Variants in USP28 observed in about 807,000 individuals in gnomAD.
USP28 encodes ubiquitin carboxyl-terminal hydrolase 28.
In USP28, 113 loss-of-function variants were observed where a neutral mutation model predicts 145.0. The ratio of observed to expected loss-of-function variants is 0.78; its 90% confidence interval spans 0.67 to 0.91. The LOEUF is 0.91. Among genes scored for constraint, USP28 ranks in the 40% least tolerant of loss-of-function variants. USP28 has a pLI of 0.00. For missense variants in USP28, 1,201 were observed against 1,289.6 expected (o/e 0.93, Z 1.05); for synonymous variants, 447 against 450.9 (o/e 0.99, Z 0.11).
chr11:113,843,003 G>C (rs1485249177), intron 3 of USP28, among the ~76,000 whole-genome samples: 1 of 152,154 alleles, frequency 6.6e-6, no homozygotes, highest in Admixed American at 6.5e-5. Flanking sequence ...GGTCAAGATG[G>C]GAGGATCAGT....
At chr11:113,799,307 T>C (rs745633552) in exon 25 of USP28, 2 of 1,614,134 alleles carry the variant, frequency 1.2e-6, no homozygotes, top group Non-Finnish European at 1.7e-6. Context: ...GCTACATAGG[T>C]CATAGGGAGA....
At chr11:113,874,917 GTT>G in intron 1 of USP28, 1 of 754,494 alleles carries the variant, frequency 1.3e-6, no homozygotes. Context: ...AGGCTGCGCT[GTT>G]TTGTTTTTAA....
chr11:113,862,288 A>C (rs926894892), intron 1 of USP28, among the ~76,000 whole-genome samples: 1 of 152,220 alleles, frequency 6.6e-6, no homozygotes, highest in African/African-American at 2.4e-5. Flanking sequence ...CGGAGGTTGC[A>C]GTGAGCTGAG....
At chr11:113,822,444 A>G (rs1017472117) in intron 12 of USP28, 3 of 147,452 alleles carry the variant, frequency 2.0e-5, no homozygotes, top group African/African-American at 7.6e-5. Flanking sequence ...GCGACACTCC[A>G]TCTTCAAAAA....
intron 11 of USP28, 137 bp from the exon 12 acceptor site, chr11:113,823,837 T>TCAAGGTTAAA: frequency 1.7e-6 from 1 of 605,604 alleles, no homozygotes; most frequent in South Asian, 3.5e-5. Context: ...GACAGCATAC[T>TCAAGGTTAAA]CAAGGTTAAA....
intron 13 of USP28, among the ~76,000 whole-genome samples, chr11:113,817,377 C>T (rs1591214451): frequency 6.6e-6 from 1 of 152,196 alleles, no homozygotes; most frequent in Admixed American, 6.5e-5. Context: ...TGGCAGCTGG[C>T]TTGTAGTTCA....
intron 1 of USP28, among the ~76,000 whole-genome samples, chr11:113,854,548 C>T (rs1361871042): frequency 6.6e-6 from 1 of 152,172 alleles, no homozygotes; most frequent in Non-Finnish European, 1.5e-5. Context: ...ATTACAGGCA[C>T]AGGCCACCAC....
intron 21 of USP28, among the ~76,000 whole-genome samples, chr11:113,804,252 A>G (rs1031695792): frequency 1.3e-5 from 2 of 152,244 alleles, no homozygotes; most frequent in Non-Finnish European, 2.9e-5. Context: ...TTCTAGTCAT[A>G]CAGAGCAAGT....
chr11:113,846,154 G>C (rs1945825043), intron 3 of USP28, among the ~76,000 whole-genome samples: 1 of 152,170 alleles, frequency 6.6e-6, no homozygotes, highest in South Asian at 2.1e-4. Context: ...CAGAGATAAA[G>C]AGTAGAATGG....
exon 23 of USP28, chr11:113,803,238 T>C (rs1157367590): frequency 6.2e-7 from 1 of 1,614,074 alleles, no homozygotes; most frequent in Non-Finnish European, 8.5e-7. Flanking sequence ...AGGGCAGCAT[T>C]GCTCTGGTAG....
At chr11:113,798,027 T>C (rs1303671319) in exon 25 of USP28, 1 of 149,718 alleles carries the variant, frequency 6.7e-6, no homozygotes, top group Non-Finnish European at 1.5e-5. Flanking sequence ...TATTTTTCTC[T>C]ACATATACAT....
exon 5 of USP28, chr11:113,840,634 A>G: frequency 6.2e-7 from 1 of 1,614,102 alleles, no homozygotes; most frequent in South Asian, 1.1e-5. Flanking sequence ...TATTGCCAAC[A>G]TTTTTCAGCC....
In USP28 at chr11:113,863,215, TTG is replaced by T. The variant is rs1400587310; in HGVS notation, c.58-8882_58-8881del. ...TTCAAGGTAAACAGGCAAAATTCAG[TTG>T]TGTTTTTATAAAACAGCAATAAGAA... On this transcript the variant is annotated intron_variant, in intron 1 of 24. Coordinates refer to ENST00000003302, the Ensembl canonical transcript of USP28. Among the ~76,000 whole-genome samples the T allele has an allele frequency of 4.6e-5, 7 of 152,212 alleles. No homozygotes were observed. The South Asian group carries it at 1.2e-3, about 27-fold the overall frequency.
chr11:113,873,386 G>A (rs562326725), intron 1 of USP28, among the ~76,000 whole-genome samples: 2 of 152,276 alleles, frequency 1.3e-5, no homozygotes, highest in Admixed American at 1.3e-4. Context: ...GCCAGGAATC[G>A]GAGTACTCCA....
In USP28 at chr11:113,855,337, G is replaced by T. The variant is rs568062440; in HGVS notation, c.58-1002C>A. 2.0e-5 allele frequency among the ~76,000 whole-genome samples: 3 copies of T among 151,562 alleles called. No homozygotes were observed. The South Asian group carries it at 6.3e-4, about 32-fold the overall frequency. Reference sequence around the variant, plus strand: ...GACAATACAAAACACCGATTTGCAAGTACAGCTCAATCTAAACAACTGGCT... The same window carrying T: ...GACAATACAAAACACCGATTTGCAATTACAGCTCAATCTAAACAACTGGCT... On this transcript the variant is annotated intron_variant, in intron 1 of 24. Coordinates refer to ENST00000003302, the Ensembl canonical transcript of USP28.
exon 18 of USP28, chr11:113,808,355 A>T (rs201080403): frequency 3.7e-6 from 6 of 1,613,996 alleles, no homozygotes; most frequent in Non-Finnish European, 4.2e-6. Context: ...TGTTTGCAAT[A>T]GCCTGGGCAG....
chr11:113,840,806 T>C lies in USP28; in HGVS notation c.375-49A>G. 4 of 1,575,964 alleles carry C rather than the reference T, an allele frequency of 2.5e-6. 1 individual carries two copies. Among genetic ancestry groups the C allele is most frequent in the Non-Finnish European group, 3.4e-6 (4 of 1,161,588 alleles). On this transcript the variant is annotated intron_variant, in intron 4 of 24. Coordinates refer to ENST00000003302, the Ensembl canonical transcript of USP28. Reference sequence around the variant, plus strand: ...AGCAAAAAAGAAAATAGTTAAAGAATAATATAGCATATGGAGGATGCTATA... The same window carrying C: ...AGCAAAAAAGAAAATAGTTAAAGAACAATATAGCATATGGAGGATGCTATA...
intron 3 of USP28, among the ~76,000 whole-genome samples, chr11:113,843,717 A>G (rs1945487015): frequency 6.6e-6 from 1 of 151,860 alleles, no homozygotes; most frequent in Non-Finnish European, 1.5e-5. Context: ...TTAATAAAAT[A>G]AAACACAAAT....
At chr11:113,815,418 TCCAAAAGATA>T (rs1277426198) in intron 13 of USP28, 36 bp from the exon 14 acceptor site, 1 of 1,588,892 alleles carries the variant, frequency 6.3e-7, no homozygotes, top group Non-Finnish European at 8.6e-7. Flanking sequence ...TATGATAATT[TCCAAAAGATA>T]CCTTGGCCTA....
Sources: gnomAD v4.1 joint callset for allele counts (sites outside exome capture counted in the v4.1 genomes callset) on GRCh38, gnomAD v4.1.1 for gene constraint, MANE v1.5 for transcripts, NCBI Gene and HGNC (gene_info 2026-07-23, HGNC 2026-07-21) for gene names.